Variants in TG observed in about 807,000 individuals in gnomAD.
TG encodes thyroglobulin.
TG carries 270 observed loss-of-function variants against 324.7 expected under a neutral mutation model. That is an observed-to-expected ratio of 0.83 (90% CI 0.75 to 0.92). TG has a LOEUF of 0.92. TG is among the 40% of genes least tolerant of loss of function. The probability of loss-of-function intolerance (pLI) is 0.00; values close to 1 mark genes in which losing one functional copy is unlikely to be tolerated. For missense variants in TG, 3,591 were observed against 3,456.4 expected (o/e 1.04, Z -0.98); for synonymous variants, 1,401 against 1,327.0 (o/e 1.06, Z -1.21).
chr8:132,881,129 G>A (rs561804625), intron 5 of TG, among the ~76,000 whole-genome samples: 133 of 152,306 alleles, frequency 8.7e-4, no homozygotes, highest in Middle Eastern at 6.8e-3. Flanking sequence ...CTCTCTGGTT[G>A]CTAAATCATT....
At chr8:133,060,905 T>A (rs1369112867) in intron 41 of TG, among the ~76,000 whole-genome samples, 2 of 152,350 alleles carry the variant, frequency 1.3e-5, no homozygotes, top group Non-Finnish European at 2.9e-5. Context: ...GAACCACTGA[T>A]GCTAAATCTC....
chr8:132,894,046 G>GT, intron 11 of TG, 117 bp downstream of exon 11: 1 of 1,530,900 alleles, frequency 6.5e-7, no homozygotes, highest in Non-Finnish European at 8.9e-7. Flanking sequence ...AGACTGATGG[G>GT]TTCTTGGGAA....
At chr8:133,023,690 C>T (rs1012982863) in intron 40 of TG, among the ~76,000 whole-genome samples, 6 of 152,168 alleles carry the variant, frequency 3.9e-5, no homozygotes, top group African/African-American at 1.2e-4. Flanking sequence ...CCCCAAGGAG[C>T]CTGGGCCTGG....
rs551837870 is a variant in TG, at chr8:133,054,155, A to G, written c.7239+24132A>G. 7.2e-5 allele frequency among the ~76,000 whole-genome samples: 11 copies of G among 152,258 alleles called. No homozygotes were observed. In the South Asian group the frequency reaches 8.3e-4, roughly 11 times the overall value. On this transcript the variant is annotated intron_variant, in intron 41 of 47. Transcript: ENST00000220616. ...TTTGTTGGTAAAGGTGAGACATATT[A>G]TCATCTACTCCTAGAACTCCTTAGC...
At chr8:132,962,967 T>G (rs1297370667) in intron 28 of TG, 27 bp from the exon 29 acceptor site, 1 of 1,610,198 alleles carries the variant, frequency 6.2e-7, no homozygotes, top group Non-Finnish European at 8.5e-7. Context: ...TCCCCAACAT[T>G]GCAACAACTC....
At chr8:132,965,767 G>A (rs527792538) in intron 29 of TG, among the ~76,000 whole-genome samples, 3 of 152,342 alleles carry the variant, frequency 2.0e-5, no homozygotes, top group South Asian at 2.1e-4. Flanking sequence ...AGAGGGAAGA[G>A]CATGAGCAAT....
At chr8:132,879,924 G>A (rs1419850441) in intron 5 of TG, among the ~76,000 whole-genome samples, 1 of 152,230 alleles carries the variant, frequency 6.6e-6, no homozygotes, top group Non-Finnish European at 1.5e-5. Context: ...GTGGGTCTCT[G>A]GGTTGAATTA....
Position 132,882,594 on chromosome 8 carries a change from A to C in TG, c.871A>C (p.Ile291Leu). ...QRRFLAVQSVISGRFRCPTKC... is the reference protein window; with the variant it reads ...QRRFLAVQSVLSGRFRCPTKC... ...ACGGTTCCTCGCAGTTCAATCAGTC[A>C]TCTCTGGCAGATTCCGATGTAAGTA... is the stretch of plus-strand genomic sequence containing the variant. Residue 291 changes from isoleucine to leucine, a missense_variant, in exon 7 of 48, where the codon ATC (isoleucine) becomes CTC (leucine). Physicochemically the swap from Ile to Leu is conservative, Grantham distance 5 (BLOSUM62 2). Coordinates refer to ENST00000220616, the MANE Select transcript of TG (RefSeq NM_003235.5). 6.2e-7 allele frequency: 1 copy of C among 1,614,236 alleles called. No individual in the cohort carries two copies. Among genetic ancestry groups the C allele is most frequent in the Non-Finnish European group, 8.5e-7 (1 of 1,180,050 alleles).
Position 133,096,387 on chromosome 8 carries a change from G to A in TG, c.7572+14G>A. The A allele has an allele frequency of 6.2e-7, 1 of 1,614,090 alleles. No individual in the cohort carries two copies. Among genetic ancestry groups the A allele is most frequent in the Non-Finnish European group, 8.5e-7 (1 of 1,179,962 alleles). ...AAGGCTGTGAAGGTAAGCAGGGAGG[G>A]GGCCTCGGATGTCTCCAGCTGGGCA... On this transcript the variant is annotated intron_variant, in intron 43 of 47. Coordinates refer to ENST00000220616, the MANE Select transcript of TG (RefSeq NM_003235.5).
chr8:132,931,903 C>A (rs1480307118), intron 23 of TG, among the ~76,000 whole-genome samples: 4 of 152,026 alleles, frequency 2.6e-5, no homozygotes, highest in African/African-American at 9.7e-5. Flanking sequence ...TGTGGTGAAA[C>A]TGCATCTCTA....
chr8:133,040,667 A>G (rs898509072), intron 41 of TG, among the ~76,000 whole-genome samples: 2 of 152,102 alleles, frequency 1.3e-5, no homozygotes, highest in African/African-American at 4.8e-5. Context: ...GAAACAATGA[A>G]AGAAGGAAGG....
intron 23 of TG, among the ~76,000 whole-genome samples, chr8:132,931,786 G>T (rs1378491101): frequency 6.6e-6 from 1 of 152,194 alleles, no homozygotes; most frequent in African/African-American, 2.4e-5. Context: ...CCATGAGCCA[G>T]TGGACCAGTA....
intron 21 of TG, among the ~76,000 whole-genome samples, chr8:132,922,252 G>A (rs928975984): frequency 1.3e-5 from 2 of 152,330 alleles, no homozygotes; most frequent in African/African-American, 2.4e-5. Context: ...AGGGGGCCCG[G>A]TGGAGAAAGG....
chr8:132,988,064 GCA>G (rs35161639), intron 35 of TG, among the ~76,000 whole-genome samples: 35,247 of 134,178 alleles, frequency 0.26, 4,252 homozygotes, highest in Middle Eastern at 0.29. Flanking sequence ...ACATACACAT[GCA>G]CACACACACA....
Position 132,901,484 on chromosome 8 carries a change from T to C in TG, c.3565T>C (p.Trp1189Arg). 6.2e-7 allele frequency: 1 copy of C among 1,614,144 alleles called. No individual in the cohort carries two copies. The change falls in exon 16 of 48, where the codon TGG becomes CGG. Residue 1189 changes from tryptophan (W) to arginine (R), a missense_variant. Coordinates refer to ENST00000220616, the MANE Select transcript of TG (RefSeq NM_003235.5). ...VQCDQAQGSCWCVMDSGEEVP... is the reference protein window; with the variant it reads ...VQCDQAQGSCRCVMDSGEEVP... ...ATGTGACCAGGCCCAGGGCAGCTGC[T>C]GGTGTGTCATGGACAGCGGAGAAGA...
intron 28 of TG, among the ~76,000 whole-genome samples, 183 bp from the exon 29 acceptor site, chr8:132,962,811 A>C (rs7844210): frequency 0.27 from 40,845 of 152,038 alleles, 6,579 homozygotes; most frequent in East Asian, 0.48. Flanking sequence ...TATCACTGAG[A>C]GGTTGGATGA....
chr8:132,902,731 A>C (rs753172411), intron 16 of TG, among the ~76,000 whole-genome samples: 2 of 152,220 alleles, frequency 1.3e-5, no homozygotes, highest in Non-Finnish European at 2.9e-5. Flanking sequence ...CTTCCAGGTC[A>C]TCTAGGAGTG....
At chr8:132,982,142 C>T (rs762304989) in intron 34 of TG, among the ~76,000 whole-genome samples, 10 of 152,196 alleles carry the variant, frequency 6.6e-5, no homozygotes, top group Non-Finnish European at 1.2e-4. Flanking sequence ...ATCTAAACCT[C>T]GCAACCCTAT....
At chr8:133,122,025 A>G (rs750141288) in intron 45 of TG, among the ~76,000 whole-genome samples, 1 of 152,136 alleles carries the variant, frequency 6.6e-6, no homozygotes, top group Non-Finnish European at 1.5e-5. Context: ...GCTCAAATCT[A>G]CATACTTAAA....
Sources: allele counts gnomAD v4.1 joint callset (sites outside exome capture counted in the v4.1 genomes callset), GRCh38; gene constraint gnomAD v4.1.1; transcripts MANE v1.5; gene names NCBI Gene and HGNC (gene_info 2026-07-23, HGNC 2026-07-21).